Variants in ASH1L observed in about 807,000 individuals in gnomAD.
ASH1L encodes ASH1 like histone lysine methyltransferase, also known as histone-lysine N-methyltransferase ASH1L.
ASH1L carries 23 observed loss-of-function variants against 269.0 expected under a neutral mutation model. The ratio of observed to expected loss-of-function variants is 0.09; its 90% CI spans 0.06 to 0.12. The LOEUF (loss-of-function observed/expected upper bound fraction) is 0.12, where lower values mean the gene tolerates loss of function less well. ASH1L is among the 10% of genes least tolerant of loss of function. ASH1L has a pLI of 1.00. For missense variants in ASH1L, 2,912 were observed against 3,567.8 expected (o/e 0.82, Z 4.68); for synonymous variants, 1,187 against 1,253.5 (o/e 0.95, Z 1.12).
At position 155,455,108 on chromosome 1, in the gene ASH1L, T is replaced by C. The variant is rs75657809; in HGVS notation, c.5086+4689A>G. ...TCCTAATTATAAAAATCTTCAGTTATGTCAAATACCTGAGAAATGAGCAAA... is the reference window on the plus strand; with the variant it reads ...TCCTAATTATAAAAATCTTCAGTTACGTCAAATACCTGAGAAATGAGCAAA... On this transcript the variant is annotated intron_variant, in intron 4 of 27. Coordinates refer to ENST00000392403, the MANE Select transcript of ASH1L (RefSeq NM_018489.3). 6.1e-3 allele frequency among the ~76,000 whole-genome samples: 936 copies of C among 152,248 alleles called. 10 individuals are homozygous for C. The highest frequency in any genetic ancestry group is 0.022 in the African/African-American group (910 of 41,560).
At chr1:155,510,416 A>G (rs1264178670) in intron 2 of ASH1L, among the ~76,000 whole-genome samples, 1 of 150,200 alleles carries the variant, frequency 6.7e-6, no homozygotes, top group Non-Finnish European at 1.5e-5. Flanking sequence ...TGCCTCAAAA[A>G]AAAAAAAAAA....
intron 5 of ASH1L, among the ~76,000 whole-genome samples, chr1:155,427,838 G>A (rs939977664): frequency 2.0e-5 from 3 of 152,282 alleles, no homozygotes; most frequent in African/African-American, 7.2e-5. Context: ...GGACCATGGG[G>A]GTGGTTTTCT....
At chr1:155,422,848 C>G (rs1660816328) in intron 5 of ASH1L, among the ~76,000 whole-genome samples, 2 of 151,792 alleles carry the variant, frequency 1.3e-5, no homozygotes, top group African/African-American at 4.8e-5. Context: ...ACAGGTTTCA[C>G]CATGTTGACC....
chr1:155,443,184 T>A (rs1311501546), intron 4 of ASH1L, among the ~76,000 whole-genome samples: 1 of 152,200 alleles, frequency 6.6e-6, no homozygotes, highest in Non-Finnish European at 1.5e-5. Context: ...ATCTCCTCTA[T>A]CCCTTCATCA....
chr1:155,378,048 C>T (rs919999639), intron 10 of ASH1L, among the ~76,000 whole-genome samples: 1 of 150,816 alleles, frequency 6.6e-6, no homozygotes, highest in African/African-American at 2.4e-5. Flanking sequence ...CAAAACAAAA[C>T]AAAAAAAACA....
chr1:155,454,565 C>T (rs1427514356), intron 4 of ASH1L, among the ~76,000 whole-genome samples: 1 of 151,964 alleles, frequency 6.6e-6, no homozygotes, highest in African/African-American at 2.4e-5. Context: ...GTCAGGAGTT[C>T]GAGACCAGCC....
At chr1:155,507,609 C>T (rs1335860887) in intron 2 of ASH1L, among the ~76,000 whole-genome samples, 2 of 152,184 alleles carry the variant, frequency 1.3e-5, no homozygotes, top group African/African-American at 4.8e-5. Context: ...CAGTGGCTCA[C>T]GCCTGTAATC....
intron 2 of ASH1L, among the ~76,000 whole-genome samples, chr1:155,516,105 G>GTT (rs1209163814): frequency 6.6e-6 from 1 of 151,938 alleles, no homozygotes; most frequent in African/African-American, 2.4e-5. Flanking sequence ...CAGTATACTA[G>GTT]TTGTTTAAGT....
intron 2 of ASH1L, among the ~76,000 whole-genome samples, chr1:155,507,280 C>CA (rs796998119): frequency 0.031 from 2,791 of 90,456 alleles, 42 homozygotes; most frequent in African/African-American, 0.076. Flanking sequence ...AACTCCGTCT[C>CA]AAAAAAAAAA....
chr1:155,470,401 G>A (rs961397857), intron 3 of ASH1L, among the ~76,000 whole-genome samples: 1 of 151,930 alleles, frequency 6.6e-6, no homozygotes, highest in Non-Finnish European at 1.5e-5. Context: ...GGAGGTTGCA[G>A]TAAGCCAAGA....
intron 5 of ASH1L, chr1:155,433,093 C>A: frequency 7.6e-7 from 1 of 1,307,490 alleles, no homozygotes; most frequent in Non-Finnish European, 1.0e-6. Flanking sequence ...ACTGCTATGA[C>A]AGAGATACCA....
intron 3 of ASH1L, among the ~76,000 whole-genome samples, chr1:155,464,800 A>C (rs1178874828): frequency 6.6e-6 from 1 of 152,222 alleles, no homozygotes; most frequent in Non-Finnish European, 1.5e-5. Flanking sequence ...TTGAAGATAA[A>C]GACAGGATTT....
chr1:155,360,298 T>C lies in ASH1L; in HGVS notation c.6795+3A>G, dbSNP rs535467658. On this transcript the variant is annotated splice_donor_region_variant and intron_variant, in intron 13 of 27. Coordinates refer to ENST00000392403, the MANE Select transcript of ASH1L (RefSeq NM_018489.3). ...ATCTCCCTCTAGGATTTATTATTCT[T>C]ACCTGTTTTTCCACATTGAAGGAAT... 5 of 1,583,356 alleles carry C rather than the reference T, an allele frequency of 3.2e-6. No homozygotes were observed. The highest frequency in any genetic ancestry group is 4.3e-6 in the Non-Finnish European group (5 of 1,152,154).
At chr1:155,380,212 A>G in intron 7 of ASH1L, 96 bp from the exon 8 acceptor site, 1 of 826,454 alleles carries the variant, frequency 1.2e-6, no homozygotes, top group Non-Finnish European at 1.9e-6. Context: ...TACTGACTAA[A>G]AAAATAAAGA....
intron 4 of ASH1L, chr1:155,440,621 C>G (rs1161570673): frequency 2.4e-5 from 14 of 587,440 alleles, no homozygotes; most frequent in Non-Finnish European, 2.6e-5. Context: ...GAAAAATGAC[C>G]CCTTCCTTTT....
At chr1:155,393,950 G>A (rs1435702500) in intron 7 of ASH1L, among the ~76,000 whole-genome samples, 4 of 152,088 alleles carry the variant, frequency 2.6e-5, no homozygotes, top group Non-Finnish European at 4.4e-5. Context: ...CAATGATCCT[G>A]TACTGCCGGA....
chr1:155,462,233 C>T (rs1046157913), intron 3 of ASH1L, among the ~76,000 whole-genome samples: 2 of 152,220 alleles, frequency 1.3e-5, no homozygotes, highest in African/African-American at 2.4e-5. Flanking sequence ...GTAATGGTCT[C>T]TGCCCTCAAG....
At chr1:155,401,477 CAAAA>C (rs545010671) in intron 6 of ASH1L, among the ~76,000 whole-genome samples, 2 of 65,880 alleles carry the variant, frequency 3.0e-5, no homozygotes, top group African/African-American at 6.1e-5. Flanking sequence ...GACTCCATCT[CAAAA>C]AAAAAAAAAA....
chr1:155,478,499 C>T lies in ASH1L; in HGVS notation c.4371G>A (p.Arg1457=), dbSNP rs1665730751. 1 of 1,614,012 alleles carries T rather than the reference C, an allele frequency of 6.2e-7. No individual in the cohort carries two copies. Among genetic ancestry groups the T allele is most frequent in the East Asian group, 2.2e-5 (1 of 44,874 alleles). ...LRQEAFLTTS[R]TPLLSMSTYP... is the part of the protein sequence containing the mutation. ...AGGTACTCATGGAAAGGAGGGGAGT[C>T]CTGCTGGTTGTAAGAAAGGCCTCCT... The change falls in exon 3 of 28, where the codon AGG becomes AGA. Residue 1457 remains arginine, a synonymous_variant. Transcript: ENST00000392403. This position sits in a 1 kb window ranked among gnomAD's most constrained non-coding sequence, Gnocchi z 4.6.
Sources: allele counts gnomAD v4.1 joint callset (sites outside exome capture counted in the v4.1 genomes callset), GRCh38; gene constraint gnomAD v4.1.1; non-coding constraint Gnocchi (gnomAD v3.1); transcripts MANE v1.5; gene names NCBI Gene and HGNC (gene_info 2026-07-23, HGNC 2026-07-21).